ABCC1: variants seen among roughly 807,000 people sequenced by gnomAD.
The protein encoded by ABCC1 is ATP binding cassette subfamily C member 1 (ABCC1 blood group), also known as multidrug resistance-associated protein 1.
Under a neutral mutation model 172.9 loss-of-function variants are expected in ABCC1, and 83 were observed. The observed-to-expected ratio is 0.48, with a 90% CI of 0.40 to 0.58. ABCC1 has a LOEUF of 0.58. ABCC1 is among the 20% of genes least tolerant of loss of function. The pLI is 0.00. For missense variants in ABCC1, 1,817 were observed against 2,002.7 expected (o/e 0.91, Z 1.77); for synonymous variants, 937 against 825.2 (o/e 1.14, Z -2.32).
intron 7 of ABCC1, among the ~76,000 whole-genome samples, chr16:16,042,887 C>G (rs972056832): frequency 2.0e-5 from 3 of 152,064 alleles, no homozygotes; most frequent in African/African-American, 7.2e-5. Flanking sequence ...AAGACAGAGT[C>G]TTGCTGTGGC....
chr16:16,138,867 G>T (rs2046019796), intron 30 of ABCC1, among the ~76,000 whole-genome samples: 1 of 151,956 alleles, frequency 6.6e-6, no homozygotes, highest in African/African-American at 2.4e-5. Context: ...GTGCCACCAC[G>T]CCCATCTAAC....
At chr16:16,045,669 T>TG (rs1300656992) in intron 8 of ABCC1, among the ~76,000 whole-genome samples, 167 bp from the exon 9 acceptor site, 11 of 152,196 alleles carry the variant, frequency 7.2e-5, no homozygotes, top group African/African-American at 2.2e-4. Context: ...TTGGGTCACC[T>TG]GCACAGCCAG....
intron 23 of ABCC1, among the ~76,000 whole-genome samples, chr16:16,115,671 C>T (rs1443168835): frequency 6.6e-6 from 1 of 151,936 alleles, no homozygotes; most frequent in African/African-American, 2.4e-5. Flanking sequence ...GTATAAAATT[C>T]TTTAGTTCTT....
intron 1 of ABCC1, among the ~76,000 whole-genome samples, chr16:15,999,391 G>A (rs1039038893): frequency 2.5e-4 from 38 of 151,936 alleles, no homozygotes; most frequent in African/African-American, 8.5e-4. Flanking sequence ...TGAGGTGGGC[G>A]GATCACCTGA....
chr16:16,017,285 C>T (rs2048035271), intron 5 of ABCC1, among the ~76,000 whole-genome samples: 1 of 152,100 alleles, frequency 6.6e-6, no homozygotes, highest in Non-Finnish European at 1.5e-5. Context: ...GGCTGGAGTG[C>T]AGTGGTGTGA....
chr16:16,033,046 T>C, intron 5 of ABCC1, 63 bp from the exon 6 acceptor site: 1 of 1,533,412 alleles, frequency 6.5e-7, no homozygotes, highest in East Asian at 2.3e-5. Flanking sequence ...AGCTCTGACC[T>C]GGATGAAAAG....
chr16:16,045,691 G>A (rs1474107707), intron 8 of ABCC1, 145 bp from the exon 9 acceptor site: 2 of 831,864 alleles, frequency 2.4e-6, no homozygotes, highest in East Asian at 2.7e-5. Flanking sequence ...TCACCACTGT[G>A]GACTTGTTTT....
At chr16:16,075,590 C>A (rs1232771968) in intron 14 of ABCC1, among the ~76,000 whole-genome samples, 1 of 152,166 alleles carries the variant, frequency 6.6e-6, no homozygotes, top group Non-Finnish European at 1.5e-5. Flanking sequence ...GAGATCGCAC[C>A]ACTGCGCTCC....
chr16:16,014,369 C>T (rs1264652079), intron 3 of ABCC1, 122 bp from the exon 4 acceptor site: 3 of 1,154,602 alleles, frequency 2.6e-6, no homozygotes, highest in African/African-American at 3.1e-5. Context: ...TCACTTGAAC[C>T]TGGGAGGCGG....
intron 1 of ABCC1, among the ~76,000 whole-genome samples, chr16:15,952,716 T>TAAA (rs57105111): frequency 7.5e-5 from 3 of 40,266 alleles, no homozygotes; most frequent in Admixed American, 3.8e-4. Context: ...GTGAGTTCAT[T>TAAA]AAAAAAAAAA....
At chr16:15,989,426 C>T (rs1402670336) in intron 1 of ABCC1, among the ~76,000 whole-genome samples, 1 of 152,148 alleles carries the variant, frequency 6.6e-6, no homozygotes, top group Non-Finnish European at 1.5e-5. Flanking sequence ...CAGATGTTTT[C>T]AGGAGTGCGG....
chr16:16,131,309 C>T (rs1043395585), intron 26 of ABCC1, among the ~76,000 whole-genome samples: 2 of 152,180 alleles, frequency 1.3e-5, no homozygotes, highest in African/African-American at 4.8e-5. Flanking sequence ...ATCATGTCCT[C>T]TCAGTTTCTG....
intron 12 of ABCC1, among the ~76,000 whole-genome samples, chr16:16,061,281 AG>A (rs1332435226): frequency 6.6e-6 from 1 of 152,210 alleles, no homozygotes; most frequent in Non-Finnish European, 1.5e-5. Flanking sequence ...ACATAATTAA[AG>A]CTGCACCAGA....
intron 1 of ABCC1, among the ~76,000 whole-genome samples, chr16:16,002,386 G>A (rs971984257): frequency 1.3e-5 from 2 of 152,118 alleles, no homozygotes; most frequent in African/African-American, 4.8e-5. Flanking sequence ...CTGAGGGGAG[G>A]GCCATAGGGA....
intron 20 of ABCC1, chr16:16,105,568 G>C (rs1453091938): frequency 6.6e-6 from 1 of 152,226 alleles, no homozygotes; most frequent in Non-Finnish European, 1.5e-5. Context: ...TGGGGGTGCA[G>C]GGATGACTCA....
At chr16:15,989,551 C>T (rs1006454834) in intron 1 of ABCC1, among the ~76,000 whole-genome samples, 4 of 152,160 alleles carry the variant, frequency 2.6e-5, no homozygotes, top group Non-Finnish European at 4.4e-5. Flanking sequence ...CTTCCCTTGG[C>T]TTCTGAGCTA....
chr16:16,025,804 G>C (rs907810331), intron 5 of ABCC1, among the ~76,000 whole-genome samples: 2 of 152,170 alleles, frequency 1.3e-5, no homozygotes, highest in African/African-American at 2.4e-5. Flanking sequence ...GATGAATCAG[G>C]CTTTTCCTCC....
intron 16 of ABCC1, among the ~76,000 whole-genome samples, chr16:16,082,101 G>A (rs1482489317): frequency 6.6e-6 from 1 of 152,190 alleles, no homozygotes; most frequent in Non-Finnish European, 1.5e-5. Context: ...TGTCCCTGGT[G>A]TGTTTTCTGC....
At chr16:15,979,512 T>A (rs1347020870) in intron 1 of ABCC1, among the ~76,000 whole-genome samples, 2 of 46,522 alleles carry the variant, frequency 4.3e-5, no homozygotes, top group East Asian at 3.7e-4. Context: ...CTCTCTTTTT[T>A]AATAAACAGC....
Sources: allele counts gnomAD v4.1 joint callset (sites outside exome capture counted in the v4.1 genomes callset), GRCh38; gene constraint gnomAD v4.1.1; transcripts MANE v1.5; gene names NCBI Gene and HGNC (gene_info 2026-07-23, HGNC 2026-07-21).